WASHC2A: variants seen among roughly 807,000 people sequenced by gnomAD.
The protein encoded by WASHC2A is WASH complex subunit 2A, also known as WASH complex subunit FAM21A.
WASHC2A carries 82 observed loss-of-function variants against 140.3 expected under a neutral mutation model. The observed-to-expected ratio is 0.58, with a 90% CI of 0.49 to 0.70. The LOEUF (loss-of-function observed/expected upper bound fraction) is 0.70, where lower values mean the gene tolerates loss of function less well. Among genes scored for constraint, WASHC2A ranks in the 30% least tolerant of loss-of-function variants. WASHC2A has a pLI of 0.00. For synonymous variants in WASHC2A, 340 were observed against 560.8 expected, an observed-to-expected ratio of 0.61 and a Z score of 5.56; for missense variants, 985 against 1,521.8, an observed-to-expected ratio of 0.65 and a Z score of 5.87.
At chr10:50,101,517 G>A (rs1249047157) in intron 17 of WASHC2A, among the ~76,000 whole-genome samples, 1 of 152,296 alleles carries the variant, frequency 6.6e-6, no homozygotes, top group Admixed American at 6.5e-5. Context: ...ACTAAAGTAC[G>A]TGCCATGAGG....
rs1589165047 is a variant in WASHC2A at position 50,082,542 on chromosome 10, A to G, written c.529-1530A>G. On this transcript the variant is annotated intron_variant, in intron 5 of 30. Transcript: ENST00000282633. ...TTGTTGCCCAAGCTGGAGTGGCGCA[A>G]TCTCGGCTCACTGCAGCTTCTGTCT... Among the ~76,000 whole-genome samples, 5 of 148,568 alleles carry G rather than the reference A, an allele frequency of 3.4e-5. No homozygotes were observed. The South Asian group carries it at 1.1e-3, about 33-fold the overall frequency.
chr10:50,132,140 C>T (rs1434688809), intron 30 of WASHC2A, among the ~76,000 whole-genome samples: 2 of 152,236 alleles, frequency 1.3e-5, no homozygotes, highest in South Asian at 2.1e-4. Flanking sequence ...TGTATTTAGC[C>T]ATTAGCCTGT....
rs554264821 is a variant in WASHC2A at position 50,117,702 on chromosome 10, C to T, written c.2143-204C>T. Among the ~76,000 whole-genome samples, 217 of 132,342 alleles carry T rather than the reference C, an allele frequency of 1.6e-3. 31 individuals carry two copies. Among genetic ancestry groups the T allele is most frequent in the Middle Eastern group, 4.2e-3 (1 of 240 alleles). The allele number at this position is 132,342 out of a possible 152,430, so 86.8% of individuals were successfully genotyped here. A position where few individuals can be genotyped will look rare whatever the true frequency, so the allele number is the denominator to read the frequency against. On this transcript the variant is annotated intron_variant, in intron 21 of 30. Transcript: ENST00000282633. ...TAGACAGATACAGGTGATGTGGTGG[C>T]GTGAAGTGTCCTGTCCACAAGTCCC...
intron 16 of WASHC2A, 22 bp from the exon 17 acceptor site, chr10:50,099,956 C>A (rs564308805): frequency 0.67 from 510,211 of 759,108 alleles, 149,928 homozygotes; most frequent in Middle Eastern, 0.78. Flanking sequence ...CTTCCCCACC[C>A]CCCCCCCCAC....
At chr10:50,109,471 C>T (rs1208125840) in intron 19 of WASHC2A, among the ~76,000 whole-genome samples, 1 of 152,020 alleles carries the variant, frequency 6.6e-6, no homozygotes, top group Non-Finnish European at 1.5e-5. Flanking sequence ...ATTTGGCTTC[C>T]TTCTTATAGC....
Position 50,118,198 on chromosome 10 carries a change from T to C in WASHC2A, c.2295+140T>C, listed in dbSNP as rs2132981009. 6.3e-6 allele frequency: 4 copies of C among 630,844 alleles called. No homozygotes were observed. The South Asian group carries it at 7.2e-5, about 11-fold the overall frequency. The allele number at this position is 630,844 out of a possible 1,614,324, so 39.1% of individuals were successfully genotyped here. ...GATTTGAAAACATAGACAAGCAGGC[T>C]GTGTCCCCACAGTGCAGGAAGCCTC... is the stretch of plus-strand genomic sequence containing the variant. On this transcript the variant is annotated intron_variant, in intron 22 of 30. Transcript: ENST00000282633.
At chr10:50,098,424 C>T (rs1429302371) in intron 16 of WASHC2A, among the ~76,000 whole-genome samples, 18 of 145,806 alleles carry the variant, frequency 1.2e-4, no homozygotes, top group Non-Finnish European at 2.1e-4. Flanking sequence ...CTAGATCCCT[C>T]ACATGCACAG....
At position 50,110,235 on chromosome 10, in the gene WASHC2A, C is replaced by T. The variant is rs1316190224; in HGVS notation, c.2004C>T (p.Asp668=). Residue 668 remains aspartate, a synonymous_variant, in exon 20 of 31, where the codon GAC becomes GAT. Coordinates refer to ENST00000282633, the MANE Select transcript of WASHC2A (RefSeq NM_001005751.3). ...AVKKTSLFEE[D]EEDDLFAIAK... is the part of the protein sequence containing the mutation. ...AAAAGACCAGTCTCTTTGAGGAAGA[C>T]GAAGAAGATGATCTTTTTGCCATTG... The T allele has an allele frequency of 2.3e-5, 37 of 1,611,710 alleles. No homozygotes were observed. The highest frequency in any genetic ancestry group is 4.0e-5 in the African/African-American group (3 of 74,772).
chr10:50,094,022 A>G, intron 13 of WASHC2A, 105 bp downstream of exon 13: 1 of 1,586,900 alleles, frequency 6.3e-7, no homozygotes, highest in Non-Finnish European at 8.6e-7. Context: ...TTCTGTGTTA[A>G]GCAGGAAGCT....
chr10:50,092,593 A>G (rs1840037910), intron 11 of WASHC2A, among the ~76,000 whole-genome samples: 1 of 151,988 alleles, frequency 6.6e-6, no homozygotes, highest in South Asian at 2.1e-4. Flanking sequence ...GGAGGCAGAG[A>G]TTGCAGTGAG....
intron 10 of WASHC2A, 74 bp downstream of exon 10, chr10:50,091,592 G>C: frequency 6.7e-7 from 1 of 1,490,450 alleles, no homozygotes; most frequent in Non-Finnish European, 9.1e-7. Flanking sequence ...ACCAAAGGCG[G>C]ATTTCTCTTT....
At chr10:50,099,357 C>T (rs1176415241) in intron 16 of WASHC2A, among the ~76,000 whole-genome samples, 6 of 151,012 alleles carry the variant, frequency 4.0e-5, no homozygotes, top group Admixed American at 4.0e-4. Flanking sequence ...GCAGCCTCAA[C>T]CTCCTGGGTT....
intron 29 of WASHC2A, among the ~76,000 whole-genome samples, chr10:50,130,593 G>A (rs1312430807): frequency 2.6e-5 from 4 of 152,196 alleles, no homozygotes; most frequent in Non-Finnish European, 4.4e-5. Flanking sequence ...TAATTAAGAT[G>A]TTTTCAAATA....
At chr10:50,083,258 C>T (rs1408271653) in intron 5 of WASHC2A, among the ~76,000 whole-genome samples, 8 of 116,262 alleles carry the variant, frequency 6.9e-5, no homozygotes, top group Non-Finnish European at 1.0e-4. Context: ...CCTCAGCCTC[C>T]GAAAGTGCTG....
At position 50,095,681 on chromosome 10, in the gene WASHC2A, C is replaced by T. The variant is rs1396173742; in HGVS notation, c.1323C>T (p.Ser441=). Residue 441 remains serine (S), a synonymous_variant, in exon 15 of 31, where the codon AGC becomes AGT. Transcript: ENST00000282633. ...CTGAGCAGCCCACTCCAAGGAAAAG[C>T]CCCTATGGTCCCCCTCCCACTGGCC... ...QKPEQPTPRK[S]PYGPPPTGLF... The T allele has an allele frequency of 4.9e-4, 795 of 1,611,556 alleles. 6 individuals carry two copies. The African/African-American group carries it at 9.1e-3, about 18-fold the overall frequency.
At chr10:50,094,779 G>C (rs1396088168) in intron 13 of WASHC2A, among the ~76,000 whole-genome samples, 2 of 150,556 alleles carry the variant, frequency 1.3e-5, no homozygotes, top group East Asian at 3.9e-4. Context: ...TTTTTCACCC[G>C]TTCATTCTCA....
In WASHC2A at chr10:50,133,405, G is replaced by A; in HGVS notation, c.*460G>A. 1 of 472,052 alleles carries A rather than the reference G, an allele frequency of 2.1e-6. No individual in the cohort carries two copies. The highest frequency in any genetic ancestry group is 4.4e-6 in the Non-Finnish European group (1 of 229,144). 29.2% of individuals were successfully genotyped at this position (472,052 alleles called of 1,614,324 possible). On this transcript the variant is annotated 3_prime_UTR_variant, in exon 31 of 31. Coordinates refer to ENST00000282633, the MANE Select transcript of WASHC2A (RefSeq NM_001005751.3). ...AGCAATATGGGAGCAGGTTTTCACT[G>A]AATTCTGAGGGTGCCTCTGCATGTC...
chr10:50,068,258 G>C (rs1483016305), intron 2 of WASHC2A, 31 bp downstream of exon 2: 5 of 1,539,762 alleles, frequency 3.2e-6, no homozygotes, highest in African/African-American at 2.8e-5. Flanking sequence ...ACGCGAGAGC[G>C]GCAGGGGTGA....
chr10:50,086,194 G>A (rs1156706341), intron 7 of WASHC2A, among the ~76,000 whole-genome samples: 3 of 151,438 alleles, frequency 2.0e-5, no homozygotes, highest in African/African-American at 7.3e-5. Context: ...TGTTGTGTAT[G>A]TGCTTTTCTC....
Sources: allele counts gnomAD v4.1 joint callset (sites outside exome capture counted in the v4.1 genomes callset), GRCh38; gene constraint gnomAD v4.1.1; transcripts MANE v1.5; gene names NCBI Gene and HGNC (gene_info 2026-07-23, HGNC 2026-07-21).